Variants in FRMD4B observed in about 807,000 individuals in gnomAD.
FRMD4B encodes the protein FERM domain-containing protein 4B.
Under a neutral mutation model 141.5 loss-of-function variants are expected in FRMD4B, and 74 were observed. The ratio of observed to expected loss-of-function variants is 0.52; its 90% CI spans 0.43 to 0.63. The LOEUF (loss-of-function observed/expected upper bound fraction) is 0.63. Ranked by LOEUF, FRMD4B falls within the 30% of genes least tolerant of loss-of-function variation. The pLI is 0.00. For synonymous variants in FRMD4B, 506 were observed against 467.9 expected (o/e 1.08, Z -1.05); for missense variants, 1,366 against 1,253.4 (o/e 1.09, Z -1.36).
At chr3:69,423,247 C>T (rs1264312116) in intron 2 of FRMD4B, among the ~76,000 whole-genome samples, 1 of 152,186 alleles carries the variant, frequency 6.6e-6, no homozygotes, top group Non-Finnish European at 1.5e-5. Context: ...CTCCTGGGCT[C>T]AAGTGATCCT....
intron 2 of FRMD4B, among the ~76,000 whole-genome samples, chr3:69,399,539 T>C (rs922434907): frequency 2.0e-5 from 3 of 152,244 alleles, no homozygotes; most frequent in African/African-American, 7.2e-5. Flanking sequence ...GCTCTGTCAC[T>C]CTGCATAACT....
At chr3:69,455,960 A>G (rs1705600778) in intron 1 of FRMD4B, among the ~76,000 whole-genome samples, 1 of 152,078 alleles carries the variant, frequency 6.6e-6, no homozygotes, top group Non-Finnish European at 1.5e-5. Context: ...TTAAATCAGA[A>G]CCACTTGCCA....
At chr3:69,199,985 A>T (rs370749001) in intron 11 of FRMD4B, among the ~76,000 whole-genome samples, 150 of 8,218 alleles carry the variant, frequency 0.018, no homozygotes, top group African/African-American at 0.02. Context: ...GGGAAATAAC[A>T]GCAGAGAGTT....
At position 69,385,804 on chromosome 3, in the gene FRMD4B, C is replaced by A. The variant is rs372568523; in HGVS notation, c.162+24G>T. The A allele has an allele frequency of 4.6e-6, 7 of 1,521,114 alleles. No homozygotes were observed. In the Admixed American group the frequency reaches 1.2e-4, roughly 26 times the overall value. 94.2% of individuals were successfully genotyped at this position (1,521,114 alleles called of 1,614,324 possible). On this transcript the variant is annotated intron_variant, in intron 1 of 22. Transcript: ENST00000398540. ...GTGCCCGGCATCCTGCTGGGGCCCT[C>A]GGGTGCCGCGCGCTCCAGCTCACCT...
At chr3:69,422,861 C>T (rs1252879708) in intron 2 of FRMD4B, among the ~76,000 whole-genome samples, 8 of 151,890 alleles carry the variant, frequency 5.3e-5, no homozygotes. Flanking sequence ...TGAATTTGGC[C>T]CACAGGCAGT....
chr3:69,346,303 C>A (rs950828388), intron 1 of FRMD4B, among the ~76,000 whole-genome samples: 7 of 152,076 alleles, frequency 4.6e-5, no homozygotes, highest in Admixed American at 3.9e-4. Context: ...AAGAAATGAA[C>A]AAAGCCTCCA....
intron 1 of FRMD4B, among the ~76,000 whole-genome samples, chr3:69,319,380 C>T (rs971127251): frequency 1.6e-4 from 24 of 152,122 alleles, no homozygotes; most frequent in African/African-American, 5.1e-4. Context: ...CTGACAGCTA[C>T]GCTTTTCTGT....
At chr3:69,370,979 C>T (rs1207872336) in intron 1 of FRMD4B, among the ~76,000 whole-genome samples, 1 of 152,194 alleles carries the variant, frequency 6.6e-6, no homozygotes, top group African/African-American at 2.4e-5. Context: ...AGTGAAGTCC[C>T]CTGCATGCCT....
intron 2 of FRMD4B, among the ~76,000 whole-genome samples, chr3:69,414,536 T>C (rs1296369583): frequency 6.6e-6 from 1 of 152,196 alleles, no homozygotes; most frequent in Non-Finnish European, 1.5e-5. Context: ...AAAAAGTCAA[T>C]GGTAATCTTA....
chr3:69,490,881 A>C (rs1450510363), intron 1 of FRMD4B, among the ~76,000 whole-genome samples: 3 of 152,152 alleles, frequency 2.0e-5, no homozygotes, highest in Non-Finnish European at 2.9e-5. Flanking sequence ...AGGATGAAAA[A>C]GAATGAAGCC....
intron 2 of FRMD4B, among the ~76,000 whole-genome samples, chr3:69,417,316 T>G (rs1215077184): frequency 6.6e-6 from 1 of 152,240 alleles, no homozygotes; most frequent in Non-Finnish European, 1.5e-5. Context: ...CGATGAGCTT[T>G]TTTTTCATAT....
chr3:69,232,913 T>A (rs2093319816), intron 7 of FRMD4B, among the ~76,000 whole-genome samples: 2 of 97,378 alleles, frequency 2.1e-5, no homozygotes. Flanking sequence ...TTTTGTTGTT[T>A]GTTTTTTTTT....
chr3:69,296,045 G>A (rs1701025615), intron 4 of FRMD4B, among the ~76,000 whole-genome samples: 1 of 152,050 alleles, frequency 6.6e-6, no homozygotes, highest in Non-Finnish European at 1.5e-5. Context: ...TCGAACTCCT[G>A]ACCTTGTGAT....
chr3:69,452,075 C>T (rs1266056828), intron 1 of FRMD4B, among the ~76,000 whole-genome samples: 1 of 152,220 alleles, frequency 6.6e-6, no homozygotes, highest in African/African-American at 2.4e-5. Context: ...AAATGGAATT[C>T]AACACGAACT....
intron 1 of FRMD4B, among the ~76,000 whole-genome samples, chr3:69,353,848 G>C (rs993377499): frequency 6.6e-6 from 1 of 152,178 alleles, no homozygotes; most frequent in Non-Finnish European, 1.5e-5. Flanking sequence ...AAAAACTTCT[G>C]CTATTTCTTT....
chr3:69,495,763 T>C (rs1030515999), intron 1 of FRMD4B, among the ~76,000 whole-genome samples: 1 of 152,190 alleles, frequency 6.6e-6, no homozygotes, highest in Admixed American at 6.5e-5. Context: ...AAGAAAGAGA[T>C]GCTAAAGGGA....
intron 1 of FRMD4B, among the ~76,000 whole-genome samples, chr3:69,434,810 A>G (rs1236084484): frequency 1.3e-5 from 2 of 152,212 alleles, no homozygotes; most frequent in Non-Finnish European, 2.9e-5. Context: ...GCACTATATT[A>G]GTTTGCTAGG....
intron 1 of FRMD4B, among the ~76,000 whole-genome samples, chr3:69,314,045 A>C (rs1477235176): frequency 1.4e-5 from 2 of 139,122 alleles, no homozygotes; most frequent in Non-Finnish European, 3.1e-5. Flanking sequence ...AGGCTGAGGC[A>C]GGAGAATGGC....
chr3:69,358,716 A>G (rs1012621399), intron 1 of FRMD4B, among the ~76,000 whole-genome samples: 1 of 152,214 alleles, frequency 6.6e-6, no homozygotes, highest in Non-Finnish European at 1.5e-5. Flanking sequence ...AGCCTGGGTG[A>G]CACAGTGAGA....
Sources: gnomAD v4.1 joint callset for allele counts (sites outside exome capture counted in the v4.1 genomes callset) on GRCh38, gnomAD v4.1.1 for gene constraint, MANE v1.5 for transcripts, NCBI Gene and HGNC (gene_info 2026-07-23, HGNC 2026-07-21) for gene names.